TUT4: variants seen among roughly 807,000 people sequenced by gnomAD.
TUT4 encodes terminal uridylyltransferase 4.
TUT4 carries 36 observed loss-of-function variants against 192.2 expected under a neutral mutation model. That is an observed-to-expected ratio of 0.19 (90% CI 0.14 to 0.25). The LOEUF is 0.25. Ranked by LOEUF, TUT4 falls within the 10% of genes least tolerant of loss-of-function variation. The pLI is 1.00. For synonymous variants in TUT4, 618 were observed against 666.0 expected (o/e 0.93, Z 1.11); for missense variants, 1,493 against 1,957.2 (o/e 0.76, Z 4.47).
chr1:52,514,602 G>T lies in TUT4; in HGVS notation c.882+1289C>A, dbSNP rs76546395. Among the ~76,000 whole-genome samples, 593 of 152,228 alleles carry T rather than the reference G, an allele frequency of 3.9e-3. 3 individuals are homozygous for T. The highest frequency in any genetic ancestry group is 0.014 in the African/African-American group (565 of 41,542). On this transcript the variant is annotated intron_variant, in intron 3 of 29. Transcript: ENST00000257177. ...CTTTTCATGTGGCGACTACTCTGCTGTAAGTTCTATTAATAACCCAGGATT... is the reference window on the plus strand; with the variant it reads ...CTTTTCATGTGGCGACTACTCTGCTTTAAGTTCTATTAATAACCCAGGATT...
chr1:52,519,126 A>G (rs1392686883), intron 2 of TUT4, among the ~76,000 whole-genome samples: 4 of 152,256 alleles, frequency 2.6e-5, no homozygotes, highest in African/African-American at 9.6e-5. Context: ...CAATCCAAAT[A>G]TCCATCAACT....
At chr1:52,445,039 ATGTG>A (rs386366952) in intron 24 of TUT4, among the ~76,000 whole-genome samples, 53 of 149,970 alleles carry the variant, frequency 3.5e-4, no homozygotes, top group Non-Finnish European at 7.0e-4. Flanking sequence ...GTATATATAT[ATGTG>A]TGTGTGTGTC....
intron 1 of TUT4, among the ~76,000 whole-genome samples, chr1:52,533,519 T>C (rs998313907): frequency 2.6e-5 from 4 of 152,234 alleles, no homozygotes; most frequent in Non-Finnish European, 4.4e-5. Context: ...TGGTCGTTAC[T>C]ATACTTTCAC....
At chr1:52,535,364 T>C (rs1684628446) in intron 1 of TUT4, among the ~76,000 whole-genome samples, 1 of 152,188 alleles carries the variant, frequency 6.6e-6, no homozygotes, top group African/African-American at 2.4e-5. Flanking sequence ...TATTTTTATT[T>C]CTAAGAACTC....
chr1:52,439,068 TAA>T (rs984014427), intron 24 of TUT4, among the ~76,000 whole-genome samples: 15 of 79,306 alleles, frequency 1.9e-4, no homozygotes, highest in Admixed American at 3.0e-4. Flanking sequence ...AGACTCCATC[TAA>T]AAAAAAAAAA....
At chr1:52,470,402 C>G (rs1352281176) in intron 14 of TUT4, among the ~76,000 whole-genome samples, 1 of 151,658 alleles carries the variant, frequency 6.6e-6, no homozygotes, top group Admixed American at 6.6e-5. Flanking sequence ...TGCTAAAAAA[C>G]ACGTGCCATG....
chr1:52,546,155 A>AT (rs1688045468), intron 1 of TUT4, among the ~76,000 whole-genome samples: 4 of 152,126 alleles, frequency 2.6e-5, no homozygotes, highest in African/African-American at 9.6e-5. Context: ...AAATAAATAG[A>AT]AGAAGAAGAA....
chr1:52,428,031 C>A (rs1026362682), intron 28 of TUT4, among the ~76,000 whole-genome samples: 1 of 152,008 alleles, frequency 6.6e-6, no homozygotes, highest in Non-Finnish European at 1.5e-5. Context: ...ACATAATCAG[C>A]CAACTCCAGA....
intron 1 of TUT4, among the ~76,000 whole-genome samples, chr1:52,527,644 T>C (rs1240658503): frequency 1.3e-5 from 2 of 152,078 alleles, no homozygotes; most frequent in Admixed American, 1.3e-4. Context: ...TGAATATCTG[T>C]CATTACACAT....
rs544159406 is a variant in TUT4 at position 52,480,682 on chromosome 1, A to G, written c.1848+741T>C. 4.6e-5 allele frequency among the ~76,000 whole-genome samples: 7 copies of G among 152,314 alleles called. No homozygotes were observed. In the East Asian group the frequency reaches 1.2e-3, roughly 25 times the overall value. ...AATAATTGCTAGAGTGATATTCTGGAAAAGACAAGAAAGGATGAGACTGAA... is the reference window on the plus strand; with the variant it reads ...AATAATTGCTAGAGTGATATTCTGGGAAAGACAAGAAAGGATGAGACTGAA... On this transcript the variant is annotated intron_variant, in intron 11 of 29. Transcript: ENST00000257177.
In TUT4 at chr1:52,475,650, G is replaced by T. The variant is rs570942004; in HGVS notation, c.2024-115C>A. On this transcript the variant is annotated intron_variant, in intron 12 of 29. Coordinates refer to ENST00000257177, the MANE Select transcript of TUT4 (RefSeq NM_001009881.3). ...TCAGGAGAATACATTTTCCCAAGGGGTTTTTCTAAGCTAGACTCCCAGTGA... is the reference window on the plus strand; with the variant it reads ...TCAGGAGAATACATTTTCCCAAGGGTTTTTTCTAAGCTAGACTCCCAGTGA... 65 of 995,742 alleles carry T rather than the reference G, an allele frequency of 6.5e-5. 1 individual carries two copies. The South Asian group carries it at 1.0e-3, about 16-fold the overall frequency. The allele number at this position is 995,742 out of a possible 1,614,324, so 61.7% of individuals were successfully genotyped here. A position where few individuals can be genotyped will look rare whatever the true frequency, so the allele number is the denominator to read the frequency against.
chr1:52,445,503 A>G (rs1197782311), intron 24 of TUT4, among the ~76,000 whole-genome samples: 1 of 152,206 alleles, frequency 6.6e-6, no homozygotes, highest in Non-Finnish European at 1.5e-5. Context: ...CCAATGCGCC[A>G]GACACTATGT....
intron 9 of TUT4, among the ~76,000 whole-genome samples, chr1:52,483,007 G>A (rs986930817): frequency 1.3e-5 from 2 of 152,026 alleles, no homozygotes; most frequent in African/African-American, 4.8e-5. Context: ...ACAAAAATTC[G>A]TATTTTCCAC....
chr1:52,534,543 T>G (rs1224982865), intron 1 of TUT4, among the ~76,000 whole-genome samples: 2 of 151,948 alleles, frequency 1.3e-5, no homozygotes, highest in Non-Finnish European at 2.9e-5. Context: ...TCACACCTCA[T>G]TTAGTTAGGT....
intron 20 of TUT4, among the ~76,000 whole-genome samples, chr1:52,451,524 T>C (rs1659416215): frequency 6.6e-6 from 1 of 152,190 alleles, no homozygotes; most frequent in Non-Finnish European, 1.5e-5. Context: ...ATAACCTAGA[T>C]GAAATGAACT....
In TUT4 at chr1:52,438,196, G is replaced by A. The variant is rs748309690; in HGVS notation, c.3938+24C>T. ...GCCTCTCATTTATTTTCCTCAAAAT[G>A]TTGATATATATTCATTTGCCAACCT... is the stretch of plus-strand genomic sequence containing the variant. On this transcript the variant is annotated intron_variant, in intron 25 of 29. Coordinates refer to ENST00000257177, the MANE Select transcript of TUT4 (RefSeq NM_001009881.3). The A allele has an allele frequency of 6.4e-6, 10 of 1,565,796 alleles. No individual in the cohort carries two copies. The African/African-American group carries it at 1.2e-4, about 19-fold the overall frequency.
intron 8 of TUT4, among the ~76,000 whole-genome samples, chr1:52,489,695 A>G (rs1400031202): frequency 3.9e-5 from 6 of 152,204 alleles, no homozygotes; most frequent in Non-Finnish European, 7.3e-5. Flanking sequence ...ATTTAACACA[A>G]TGTGGCAGAA....
Position 52,525,623 on chromosome 1 carries a change from C to G in TUT4, c.658G>C (p.Asp220His). 6.2e-7 allele frequency: 1 copy of G among 1,614,144 alleles called. No individual in the cohort carries two copies. Among genetic ancestry groups the G allele is most frequent in the African/African-American group, 1.3e-5 (1 of 75,062 alleles). ...CTATCATCAGAATCACCAGTATTAT[C>G]TGTACATGTCTGTTGCTTCTGAGAT... is the stretch of plus-strand genomic sequence containing the variant. The part of the protein sequence containing the change: ...PRSQKQQTCT[D>H]NTGDSDDSAS... Residue 220 changes from aspartate to histidine, a missense_variant, in exon 2 of 30, where the codon GAT becomes CAT. Coordinates refer to ENST00000257177, the MANE Select transcript of TUT4 (RefSeq NM_001009881.3).
intron 21 of TUT4, 59 bp from the exon 22 acceptor site, chr1:52,446,501 A>G: frequency 6.4e-7 from 1 of 1,554,284 alleles, no homozygotes; most frequent in Non-Finnish European, 8.7e-7. Context: ...CAAAACATGG[A>G]CAGCAAATTT....
Sources: gnomAD v4.1 joint callset for allele counts (sites outside exome capture counted in the v4.1 genomes callset) on GRCh38, gnomAD v4.1.1 for gene constraint, MANE v1.5 for transcripts, NCBI Gene and HGNC (gene_info 2026-07-23, HGNC 2026-07-21) for gene names.